SKAP2: variants seen among roughly 807,000 people sequenced by gnomAD.
The protein encoded by SKAP2 is src kinase associated phosphoprotein 2.
Under a neutral mutation model 54.9 loss-of-function variants are expected in SKAP2, and 28 were observed. That is an observed-to-expected ratio of 0.51 (90% CI 0.38 to 0.70). The LOEUF is 0.70. Ranked by LOEUF, SKAP2 falls within the 30% of genes least tolerant of loss-of-function variation. The pLI is 0.00. For synonymous variants in SKAP2, 137 were observed against 134.3 expected (o/e 1.02, Z -0.14); for missense variants, 356 against 424.1 (o/e 0.84, Z 1.41).
intron 11 of SKAP2, among the ~76,000 whole-genome samples, chr7:26,679,473 T>A (rs747623856): frequency 4.6e-5 from 7 of 152,110 alleles, no homozygotes; most frequent in Non-Finnish European, 7.4e-5. Flanking sequence ...AGACCATACA[T>A]CCATACTGAC....
chr7:26,755,030 G>C (rs1782760466), intron 4 of SKAP2, among the ~76,000 whole-genome samples: 1 of 152,122 alleles, frequency 6.6e-6, no homozygotes, highest in African/African-American at 2.4e-5. Flanking sequence ...CCTATTACAT[G>C]TTTCTCTAAG....
intron 4 of SKAP2, among the ~76,000 whole-genome samples, chr7:26,774,255 G>A (rs986937164): frequency 4.6e-5 from 7 of 152,130 alleles, no homozygotes; most frequent in African/African-American, 1.7e-4. Flanking sequence ...AGAAGTTGCA[G>A]TGAGCCAAGA....
chr7:26,832,140 T>TA (rs890737709), intron 4 of SKAP2, among the ~76,000 whole-genome samples: 3 of 152,120 alleles, frequency 2.0e-5, no homozygotes, highest in African/African-American at 7.3e-5. Context: ...TTTAACCTCT[T>TA]AGAGTATTTA....
At position 26,736,883 on chromosome 7, in the gene SKAP2, A is replaced by T. The variant is rs138854020; in HGVS notation, c.469+1912T>A. Among the ~76,000 whole-genome samples the T allele has an allele frequency of 2.0e-5, 3 of 152,128 alleles. No homozygotes were observed. The East Asian group carries it at 5.8e-4, about 29-fold the overall frequency. ...GCACTCCAGCTTGGGTGACAGAGTG[A>T]GGCCCCCGCATCTCTAAAAAGAAAA... On this transcript the variant is annotated intron_variant, in intron 6 of 12. Transcript: ENST00000345317.
At chr7:26,661,523 TATC>T in the SKAP2 span, among the ~76,000 whole-genome samples, 1 of 152,136 alleles carries the variant, frequency 6.6e-6, no homozygotes, top group African/African-American at 2.4e-5. Flanking sequence ...TGGTTTTAAA[TATC>T]ATGAGAAAAG....
At chr7:26,782,989 C>CA (rs994374560) in intron 4 of SKAP2, among the ~76,000 whole-genome samples, 3 of 152,110 alleles carry the variant, frequency 2.0e-5, no homozygotes, top group African/African-American at 7.2e-5. Context: ...AAAAGAACAC[C>CA]AGAATGTACC....
chr7:26,744,775 C>T (rs373311720), intron 4 of SKAP2, among the ~76,000 whole-genome samples: 114 of 151,968 alleles, frequency 7.5e-4, no homozygotes, highest in Admixed American at 2.1e-3. Flanking sequence ...CACACTATAT[C>T]CCAGTCTGAT....
chr7:26,744,560 T>G (rs1362130718), intron 4 of SKAP2, among the ~76,000 whole-genome samples: 4 of 151,748 alleles, frequency 2.6e-5, no homozygotes, highest in African/African-American at 9.7e-5. Flanking sequence ...AGAGCTAGAG[T>G]TGAGGAGAAT....
intron 4 of SKAP2, among the ~76,000 whole-genome samples, chr7:26,825,020 A>C (rs1287434903): frequency 2.6e-5 from 4 of 152,200 alleles, no homozygotes; most frequent in Non-Finnish European, 5.9e-5. Flanking sequence ...CCCTTGAAAG[A>C]AATTTCACCA....
At chr7:26,807,919 GT>G (rs1029734699) in intron 4 of SKAP2, among the ~76,000 whole-genome samples, 33 of 152,242 alleles carry the variant, frequency 2.2e-4, no homozygotes, top group African/African-American at 5.3e-4. Flanking sequence ...TATGCACATT[GT>G]TTTTTAGACA....
intron 3 of SKAP2, among the ~76,000 whole-genome samples, chr7:26,853,496 G>C (rs1785091845): frequency 6.6e-6 from 1 of 152,072 alleles, no homozygotes; most frequent in African/African-American, 2.4e-5. Flanking sequence ...CTAAGCAGCT[G>C]TCTCTCAAAT....
intron 9 of SKAP2, among the ~76,000 whole-genome samples, chr7:26,699,577 T>C (rs1259009485): frequency 6.6e-6 from 1 of 152,096 alleles, no homozygotes; most frequent in African/African-American, 2.4e-5. Flanking sequence ...TACCAACCTA[T>C]TTATCATTAG....
intron 4 of SKAP2, among the ~76,000 whole-genome samples, chr7:26,798,294 C>T (rs938437458): frequency 6.6e-6 from 1 of 151,258 alleles, no homozygotes; most frequent in African/African-American, 2.4e-5. Context: ...GTTTAAAGTA[C>T]CAAAGGAAAA....
At chr7:26,726,407 A>C (rs1166401428) in intron 7 of SKAP2, among the ~76,000 whole-genome samples, 1 of 152,150 alleles carries the variant, frequency 6.6e-6, no homozygotes, top group East Asian at 1.9e-4. Flanking sequence ...GATATTTAAA[A>C]CTTATTAAAC....
chr7:26,656,513 A>G, the SKAP2 span, among the ~76,000 whole-genome samples: 19,418 of 152,240 alleles, frequency 0.13, 1,771 homozygotes, highest in African/African-American at 0.26. Context: ...AAACAAAAAC[A>G]CAGATATGTT....
At chr7:26,699,629 A>C (rs1424863224) in intron 9 of SKAP2, among the ~76,000 whole-genome samples, 1 of 152,156 alleles carries the variant, frequency 6.6e-6, no homozygotes, top group Non-Finnish European at 1.5e-5. Context: ...CAAACCAAAA[A>C]AATCTACATT....
intron 6 of SKAP2, among the ~76,000 whole-genome samples, chr7:26,727,313 C>T (rs978682136): frequency 2.0e-5 from 3 of 151,874 alleles, no homozygotes; most frequent in South Asian, 2.1e-4. Flanking sequence ...ACAAACCCAC[C>T]ACAAACCTTT....
At chr7:26,763,574 C>A (rs994768918) in intron 4 of SKAP2, among the ~76,000 whole-genome samples, 1 of 152,010 alleles carries the variant, frequency 6.6e-6, no homozygotes, top group Admixed American at 6.6e-5. Context: ...TTTGAGATGA[C>A]GTAAAATATC....
intron 9 of SKAP2, among the ~76,000 whole-genome samples, chr7:26,718,556 G>A (rs986466204): frequency 2.6e-5 from 4 of 151,754 alleles, no homozygotes; most frequent in African/African-American, 9.7e-5. Context: ...CTGTCACCAG[G>A]CTGGAGTGCA....
Sources: allele counts gnomAD v4.1 joint callset (sites outside exome capture counted in the v4.1 genomes callset), GRCh38; gene constraint gnomAD v4.1.1; transcripts MANE v1.5; gene names NCBI Gene and HGNC (gene_info 2026-07-23, HGNC 2026-07-21).